Variants in KAT2B observed in about 807,000 individuals in gnomAD.
KAT2B encodes lysine acetyltransferase 2B.
Under a neutral mutation model 105.9 loss-of-function variants are expected in KAT2B, and 36 were observed. The observed-to-expected ratio is 0.34, with a 90% CI of 0.26 to 0.45. The LOEUF is 0.45. KAT2B is among the 20% of genes least tolerant of loss of function. The probability of loss-of-function intolerance (pLI) is 1.00; values close to 1 mark genes in which losing one functional copy is unlikely to be tolerated. For missense variants in KAT2B, 820 were observed against 1,021.6 expected, an observed-to-expected ratio of 0.80 and a Z score of 2.69; for synonymous variants, 397 against 377.9, an observed-to-expected ratio of 1.05 and a Z score of -0.59.
At chr3:20,065,272 A>G (rs1698203971) in intron 1 of KAT2B, among the ~76,000 whole-genome samples, 1 of 152,118 alleles carries the variant, frequency 6.6e-6, no homozygotes, top group Admixed American at 6.6e-5. Context: ...CCAGGTTGCT[A>G]GCTGCTACAG....
intron 6 of KAT2B, among the ~76,000 whole-genome samples, chr3:20,113,757 C>T (rs1418950318): frequency 2.0e-5 from 3 of 152,186 alleles, no homozygotes; most frequent in African/African-American, 7.2e-5. Context: ...CTGCAATTCT[C>T]AGATGTGTTT....
At chr3:20,110,309 G>A (rs1235646210) in intron 5 of KAT2B, among the ~76,000 whole-genome samples, 2 of 151,946 alleles carry the variant, frequency 1.3e-5, no homozygotes, top group Non-Finnish European at 2.9e-5. Flanking sequence ...ACCCTCCATG[G>A]CTACCACTGT....
chr3:20,071,119 C>A (rs1698314526), intron 1 of KAT2B, among the ~76,000 whole-genome samples: 1 of 151,648 alleles, frequency 6.6e-6, no homozygotes, highest in South Asian at 2.1e-4. Context: ...TACATTTAAA[C>A]ATATAATTTC....
At chr3:20,126,215 T>C (rs1699401442) in intron 10 of KAT2B, 102 bp downstream of exon 10, 1 of 908,844 alleles carries the variant, frequency 1.1e-6, no homozygotes, top group Non-Finnish European at 1.7e-6. Flanking sequence ...CGAATACTAC[T>C]GCACCTGTCT....
intron 7 of KAT2B, among the ~76,000 whole-genome samples, chr3:20,116,081 C>CT (rs377606078): frequency 2.8e-4 from 41 of 146,434 alleles, no homozygotes; most frequent in South Asian, 1.5e-3. Flanking sequence ...TCTTTGTGTC[C>CT]TTTTTTTTTT....
intron 1 of KAT2B, among the ~76,000 whole-genome samples, chr3:20,063,732 A>T (rs1575112112): frequency 6.7e-6 from 1 of 149,880 alleles, no homozygotes; most frequent in South Asian, 2.1e-4. Context: ...TAGTAGTGAC[A>T]GGGTTTCACC....
intron 13 of KAT2B, among the ~76,000 whole-genome samples, chr3:20,141,436 A>C (rs920098056): frequency 2.6e-5 from 4 of 152,176 alleles, no homozygotes; most frequent in Non-Finnish European, 5.9e-5. Context: ...TATTGAAAGA[A>C]AGAACTTTGT....
intron 1 of KAT2B, 146 bp downstream of exon 1, chr3:20,040,926 T>A (rs1697705844): frequency 1.2e-5 from 12 of 1,000,236 alleles, no homozygotes; most frequent in Non-Finnish European, 1.6e-5. Flanking sequence ...AGTGCTCTTG[T>A]CGCCCGCGCC....
At chr3:20,052,672 AAGAG>A (rs913506510) in intron 1 of KAT2B, among the ~76,000 whole-genome samples, 3 of 149,940 alleles carry the variant, frequency 2.0e-5, no homozygotes, top group Non-Finnish European at 4.4e-5. Context: ...AAAAAAAAAA[AAGAG>A]AGAAAAAGAG....
At chr3:20,141,120 A>G (rs920942312) in intron 13 of KAT2B, among the ~76,000 whole-genome samples, 5 of 152,170 alleles carry the variant, frequency 3.3e-5, no homozygotes, top group African/African-American at 1.2e-4. Flanking sequence ...TCCTCTTCTG[A>G]ACTTCTCTAG....
intron 2 of KAT2B, among the ~76,000 whole-genome samples, chr3:20,089,047 A>C (rs1240159634): frequency 1.3e-5 from 2 of 152,146 alleles, no homozygotes; most frequent in Non-Finnish European, 2.9e-5. Flanking sequence ...GTAAATGGAT[A>C]GATTTCTGGG....
At chr3:20,106,071 T>C in intron 5 of KAT2B, among the ~76,000 whole-genome samples, 1 of 152,132 alleles carries the variant, frequency 6.6e-6, no homozygotes, top group East Asian at 1.9e-4. Context: ...CTAGGGCAGA[T>C]CAGTTTATTC....
Position 20,152,372 on chromosome 3 carries a change from C to T in KAT2B, c.2346C>T (p.Tyr782=), listed in dbSNP as rs751776783. The stretch of plus-strand genomic sequence containing the variant: ...GTGAACGCCTCAAGAATAGGTACTA[C>T]GTGTCTAAGAAATTATTCATGGCAG... ...TMSERLKNRY[Y]VSKKLFMADL... is the part of the protein sequence containing the mutation. Residue 782 remains tyrosine, a synonymous_variant, in exon 18 of 18, where the codon TAC becomes TAT. Transcript: ENST00000263754. 2.8e-5 allele frequency: 45 copies of T among 1,613,142 alleles called. No individual in the cohort carries two copies. In the Admixed American group the frequency reaches 5.5e-4, roughly 20 times the overall value.
At position 20,072,320 on chromosome 3, in the gene KAT2B, A is replaced by T; in HGVS notation, c.304-13A>T. 1 of 1,612,876 alleles carries T rather than the reference A, an allele frequency of 6.2e-7. No individual in the cohort carries two copies. The highest frequency in any genetic ancestry group is 8.5e-7 in the Non-Finnish European group (1 of 1,179,000). On this transcript the variant is annotated splice_polypyrimidine_tract_variant and intron_variant, in intron 1 of 17. Transcript: ENST00000263754. ...GTTAAATAATTTTGTCTCTTTCTTT[A>T]TTCCATTTTTAGGCCGAGGAGTCTT...
intron 11 of KAT2B, among the ~76,000 whole-genome samples, chr3:20,129,219 G>A (rs1163535086): frequency 6.6e-6 from 1 of 151,748 alleles, no homozygotes; most frequent in African/African-American, 2.4e-5. Flanking sequence ...GTAGTTATAT[G>A]TATATATTTT....
chr3:20,063,903 T>C lies in KAT2B; in HGVS notation c.304-8430T>C, dbSNP rs142416841. ...TTGAGTTCATTTGTGTGTGTGTTAT[T>C]AGCTAAGGGTCCAGCTTCATTCTTG... On this transcript the variant is annotated intron_variant, in intron 1 of 17. Coordinates refer to ENST00000263754, the MANE Select transcript of KAT2B (RefSeq NM_003884.5). Among the ~76,000 whole-genome samples, 64 of 152,276 alleles carry C rather than the reference T, an allele frequency of 4.2e-4. 1 individual carries two copies. The East Asian group carries it at 8.5e-3, about 20-fold the overall frequency.
In KAT2B at chr3:20,127,407, A is replaced by C. The variant is rs777613415; in HGVS notation, c.1623-16A>C. 1.2e-6 allele frequency: 2 copies of C among 1,609,394 alleles called. No individual in the cohort carries two copies. Among genetic ancestry groups the C allele is most frequent in the Non-Finnish European group, 1.7e-6 (2 of 1,176,088 alleles). ...ACTAGGATAGGTAAAACTTTGACAT[A>C]ATCTTATTCTTTCAGGAAACACAAA... On this transcript the variant is annotated splice_polypyrimidine_tract_variant and intron_variant, in intron 10 of 17. Coordinates refer to ENST00000263754, the MANE Select transcript of KAT2B (RefSeq NM_003884.5).
At chr3:20,112,742 G>T (rs1407949941) in intron 6 of KAT2B, among the ~76,000 whole-genome samples, 1 of 152,176 alleles carries the variant, frequency 6.6e-6, no homozygotes, top group Non-Finnish European at 1.5e-5. Flanking sequence ...TAGAATTTGA[G>T]AGGAAATATT....
intron 13 of KAT2B, among the ~76,000 whole-genome samples, chr3:20,142,336 G>C (rs1304900750): frequency 2.6e-5 from 4 of 151,938 alleles, no homozygotes; most frequent in African/African-American, 7.3e-5. Context: ...TCTTAACCTA[G>C]TTTTTAAAAA....
Sources: gnomAD v4.1 joint callset for allele counts (sites outside exome capture counted in the v4.1 genomes callset) on GRCh38, gnomAD v4.1.1 for gene constraint, MANE v1.5 for transcripts, NCBI Gene and HGNC (gene_info 2026-07-23, HGNC 2026-07-21) for gene names.